The following ANAPC10 variants were observed in gnomAD, a reference collection of about 807,000 sequenced individuals.
ANAPC10 encodes anaphase promoting complex subunit 10.
In ANAPC10, 12 loss-of-function variants were observed where a neutral mutation model predicts 22.0. That is an observed-to-expected ratio of 0.55 (90% CI 0.35 to 0.88). The LOEUF (loss-of-function observed/expected upper bound fraction) is 0.88. Ranked by LOEUF, ANAPC10 falls within the 40% of genes least tolerant of loss-of-function variation. ANAPC10 has a pLI of 0.01. For synonymous variants in ANAPC10, 65 were observed against 69.5 expected (o/e 0.94, Z 0.32); for missense variants, 188 against 220.9 (o/e 0.85, Z 0.94).
intron 3 of ANAPC10, among the ~76,000 whole-genome samples, chr4:145,066,196 T>C (rs1175047347): frequency 6.6e-6 from 1 of 152,050 alleles, no homozygotes; most frequent in African/African-American, 2.4e-5. Flanking sequence ...AAGCTATTCA[T>C]TAGAAAGGAA....
At chr4:145,031,161 C>T (rs1433548181) in intron 4 of ANAPC10, among the ~76,000 whole-genome samples, 3 of 152,228 alleles carry the variant, frequency 2.0e-5, no homozygotes, top group African/African-American at 7.2e-5. Context: ...GGTATATCAA[C>T]TCTCTGGCTT....
At chr4:145,088,552 A>G (rs1747220301) in intron 2 of ANAPC10, among the ~76,000 whole-genome samples, 1 of 152,150 alleles carries the variant, frequency 6.6e-6, no homozygotes, top group African/African-American at 2.4e-5. Context: ...CCTCCTGTGA[A>G]TCGTAATTAT....
chr4:145,009,399 A>G (rs1296904625), intron 4 of ANAPC10, among the ~76,000 whole-genome samples: 4 of 152,178 alleles, frequency 2.6e-5, no homozygotes, highest in East Asian at 1.9e-4. Context: ...AAAAGAACAA[A>G]GCTGCAGGCA....
At chr4:144,997,573 G>A (rs931257921) in intron 4 of ANAPC10, among the ~76,000 whole-genome samples, 2 of 152,208 alleles carry the variant, frequency 1.3e-5, no homozygotes, top group Non-Finnish European at 2.9e-5. Context: ...AAGAGTTCCT[G>A]AAGGAAGCAC....
rs141582302 is a variant in ANAPC10 at position 145,088,757 on chromosome 4, T to A, written c.116-7007A>T. On this transcript the variant is annotated intron_variant, in intron 2 of 4. Transcript: ENST00000507656. ...CTTTTAAAAATTCTGTATCAGATCA[T>A]CTTCCTCTCCTGCTTAACACCTCCA... 4.4e-3 allele frequency among the ~76,000 whole-genome samples: 669 copies of A among 152,330 alleles called. 3 individuals carry two copies. The highest frequency in any genetic ancestry group is 0.015 in the African/African-American group (615 of 41,596).
chr4:145,033,507 A>C (rs1297177454), intron 4 of ANAPC10: 2 of 152,446 alleles, frequency 1.3e-5, no homozygotes, highest in Non-Finnish European at 2.9e-5. Flanking sequence ...CTGGACTATC[A>C]AGATGAAATC....
intron 4 of ANAPC10, among the ~76,000 whole-genome samples, chr4:145,028,863 AATG>A (rs1737125919): frequency 6.6e-6 from 1 of 152,162 alleles, no homozygotes; most frequent in African/African-American, 2.4e-5. Flanking sequence ...GATGAAAGAA[AATG>A]ATGAACTCAG....
intron 4 of ANAPC10, among the ~76,000 whole-genome samples, chr4:144,998,505 T>A (rs146087803): frequency 0.092 from 14,035 of 152,204 alleles, 707 homozygotes; most frequent in Middle Eastern, 0.18. Context: ...AACAACCTGC[T>A]CCTGAATGAC....
At chr4:145,078,113 C>G (rs980194668) in intron 3 of ANAPC10, among the ~76,000 whole-genome samples, 5 of 152,052 alleles carry the variant, frequency 3.3e-5, no homozygotes, top group African/African-American at 1.2e-4. Context: ...AATTCTACAC[C>G]TAGAAAACCC....
intron 4 of ANAPC10, among the ~76,000 whole-genome samples, chr4:145,036,995 C>T (rs1481219786): frequency 2.3e-5 from 3 of 131,242 alleles, no homozygotes; most frequent in African/African-American, 8.7e-5. Context: ...AAATAGATAA[C>T]GTGTGTGTGT....
Position 144,994,660 on chromosome 4 carries a change from CAAT to C in ANAPC10, c.*710_*712del, listed in dbSNP as rs1384427195. 2.0e-5 allele frequency: 3 copies of C among 152,046 alleles called. No individual in the cohort carries two copies. The highest frequency in any genetic ancestry group is 7.2e-5 in the African/African-American group (3 of 41,422). 9.4% of individuals were successfully genotyped at this position (152,046 alleles called of 1,614,324 possible). A position where few individuals can be genotyped will look rare whatever the true frequency, so the allele number is the denominator to read the frequency against. ...ATATATGACTGCCCAGGGAATGCTACAATGTCAGACACAAATTTGAAAATAACT... is the reference window on the plus strand; with the variant it reads ...ATATATGACTGCCCAGGGAATGCTACGTCAGACACAAATTTGAAAATAACT... On this transcript the variant is annotated 3_prime_UTR_variant, in exon 5 of 5. Coordinates refer to ENST00000507656, the MANE Select transcript of ANAPC10 (RefSeq NM_001256706.2).
At chr4:145,071,911 C>T (rs1744540214) in intron 3 of ANAPC10, among the ~76,000 whole-genome samples, 1 of 152,008 alleles carries the variant, frequency 6.6e-6, no homozygotes, top group African/African-American at 2.4e-5. Context: ...CACCAAGATA[C>T]AAATGGCAAT....
intron 4 of ANAPC10, among the ~76,000 whole-genome samples, chr4:145,003,173 T>C (rs904833146): frequency 6.6e-6 from 1 of 152,200 alleles, no homozygotes; most frequent in African/African-American, 2.4e-5. Flanking sequence ...GCTCCATCCA[T>C]GTTGCTGTAA....
At chr4:145,015,875 C>A (rs1032928071) in intron 4 of ANAPC10, among the ~76,000 whole-genome samples, 2 of 152,120 alleles carry the variant, frequency 1.3e-5, no homozygotes, top group Admixed American at 6.5e-5. Context: ...GTTTTCCAGA[C>A]AAACAAGTGC....
chr4:145,019,616 C>T (rs1023041842), intron 4 of ANAPC10, among the ~76,000 whole-genome samples: 16 of 151,842 alleles, frequency 1.1e-4, no homozygotes, highest in Admixed American at 1.1e-3. Context: ...CTAAATGAAA[C>T]TAAAACAAAA....
intron 4 of ANAPC10, among the ~76,000 whole-genome samples, chr4:145,049,238 T>C (rs1161527195): frequency 2.0e-5 from 3 of 152,220 alleles, no homozygotes; most frequent in Admixed American, 2.0e-4. Flanking sequence ...CAGATTAAGG[T>C]GGTAGTTACT....
In ANAPC10 at chr4:144,995,119, TTGATAC is replaced by T; in HGVS notation, c.*248_*253del. The T allele has an allele frequency of 3.9e-6, 1 of 255,904 alleles. No individual in the cohort carries two copies. Among genetic ancestry groups the T allele is most frequent in the South Asian group, 8.7e-5 (1 of 11,456 alleles). 15.9% of individuals were successfully genotyped at this position (255,904 alleles called of 1,614,324 possible). A position where few individuals can be genotyped will look rare whatever the true frequency, so the allele number is the denominator to read the frequency against. The stretch of plus-strand genomic sequence containing the variant: ...TTTTGATACAAGGAACTCTTTTCTT[TTGATAC>T]AAGGGAAAATAAAATGATTGGCTTC... On this transcript the variant is annotated 3_prime_UTR_variant, in exon 5 of 5. Coordinates refer to ENST00000507656, the MANE Select transcript of ANAPC10 (RefSeq NM_001256706.2).
chr4:145,039,991 G>C (rs1207018788), intron 4 of ANAPC10, among the ~76,000 whole-genome samples: 1 of 152,100 alleles, frequency 6.6e-6, no homozygotes, highest in Non-Finnish European at 1.5e-5. Context: ...TCAAACTCCA[G>C]CAGATGACTC....
intron 4 of ANAPC10, among the ~76,000 whole-genome samples, chr4:145,043,365 T>G (rs1329693368): frequency 6.6e-6 from 1 of 152,140 alleles, no homozygotes; most frequent in Non-Finnish European, 1.5e-5. Flanking sequence ...TTCTAATTAA[T>G]CCTTTTTTTG....
Sources: gnomAD v4.1 joint callset for allele counts (sites outside exome capture counted in the v4.1 genomes callset) on GRCh38, gnomAD v4.1.1 for gene constraint, MANE v1.5 for transcripts, NCBI Gene and HGNC (gene_info 2026-07-23, HGNC 2026-07-21) for gene names.